PCDHGA11: variants seen among roughly 807,000 people sequenced by gnomAD.
The protein encoded by PCDHGA11 is protocadherin gamma-A11.
Under a neutral mutation model 60.4 loss-of-function variants are expected in PCDHGA11, and 39 were observed. The observed-to-expected ratio is 0.65, with a 90% CI of 0.50 to 0.84. The LOEUF is 0.84. PCDHGA11 is among the 40% of genes least tolerant of loss of function. PCDHGA11 has a pLI of 0.00. For synonymous variants in PCDHGA11, 533 were observed against 510.3 expected, an observed-to-expected ratio of 1.04 and a Z score of -0.60; for missense variants, 1,165 against 1,197.7, an observed-to-expected ratio of 0.97 and a Z score of 0.40.
intron 1 of PCDHGA11, among the ~76,000 whole-genome samples, chr5:141,492,337 C>T (rs559700346): frequency 1.0e-3 from 158 of 152,324 alleles, no homozygotes; most frequent in African/African-American, 3.7e-3. Flanking sequence ...TACGCGAATA[C>T]CAGCTTTCAC....
intron 1 of PCDHGA11, among the ~76,000 whole-genome samples, chr5:141,488,305 T>C (rs1452293355): frequency 6.6e-6 from 1 of 152,234 alleles, no homozygotes; most frequent in African/African-American, 2.4e-5. Context: ...AAATCACTTA[T>C]GTCAGAAAAC....
intron 2 of PCDHGA11, among the ~76,000 whole-genome samples, chr5:141,501,526 G>A (rs2099809738): frequency 6.6e-6 from 1 of 151,962 alleles, no homozygotes; most frequent in Non-Finnish European, 1.5e-5. Context: ...CTGAAGCCCA[G>A]TACGTTGTTG....
chr5:141,482,747 G>T lies in PCDHGA11; in HGVS notation c.2434-12060G>T, dbSNP rs182945398. On this transcript the variant is annotated intron_variant, in intron 1 of 3. Transcript: ENST00000398587. ...CATTGCAAGAAATTCCATGCAGAGG[G>T]ATTATGGTATTTCATTATCACTGAA... Among the ~76,000 whole-genome samples, 567 of 128,410 alleles carry T rather than the reference G, an allele frequency of 4.4e-3. 2 individuals carry two copies. The highest frequency in any genetic ancestry group is 0.019 in the African/African-American group (533 of 28,666). The allele number at this position is 128,410 out of a possible 152,430, so 84.2% of individuals were successfully genotyped here. A position where few individuals can be genotyped will look rare whatever the true frequency, so the allele number is the denominator to read the frequency against.
chr5:141,462,375 T>G (rs2099038282), intron 1 of PCDHGA11, among the ~76,000 whole-genome samples: 1 of 152,252 alleles, frequency 6.6e-6, no homozygotes, highest in Non-Finnish European at 1.5e-5. Context: ...TTCTATTCTT[T>G]TAAATTCGTT....
At chr5:141,502,864 G>GTTTTTTTT in intron 2 of PCDHGA11, among the ~76,000 whole-genome samples, 3 of 61,566 alleles carry the variant, frequency 4.9e-5, no homozygotes, top group African/African-American at 2.4e-4. Context: ...CTGACTCTCT[G>GTTTTTTTT]TCTTTTTTTT....
chr5:141,435,922 G>A (rs1312886163), intron 1 of PCDHGA11, among the ~76,000 whole-genome samples: 1 of 152,070 alleles, frequency 6.6e-6, no homozygotes, highest in Non-Finnish European at 1.5e-5. Context: ...TCTAAAATGC[G>A]GCAGTTGCTG....
intron 1 of PCDHGA11, among the ~76,000 whole-genome samples, chr5:141,450,099 C>T (rs2098669229): frequency 6.6e-6 from 1 of 151,500 alleles, no homozygotes; most frequent in African/African-American, 2.4e-5. Flanking sequence ...CTCCGCCTCC[C>T]AGGTTCAAAT....
intron 2 of PCDHGA11, among the ~76,000 whole-genome samples, chr5:141,495,407 C>T: frequency 6.6e-6 from 1 of 152,218 alleles, no homozygotes; most frequent in East Asian, 1.9e-4. Flanking sequence ...AGGCCCCCTT[C>T]TCCGGCCCCT....
intron 1 of PCDHGA11, among the ~76,000 whole-genome samples, chr5:141,446,448 T>C (rs954515926): frequency 2.6e-5 from 4 of 152,028 alleles, no homozygotes; most frequent in Non-Finnish European, 5.9e-5. Context: ...ACAGTGCAGA[T>C]ATTCAGTGTG....
At chr5:141,472,980 C>CAA (rs60579131) in intron 1 of PCDHGA11, among the ~76,000 whole-genome samples, 188 of 86,094 alleles carry the variant, frequency 2.2e-3, no homozygotes, top group Non-Finnish European at 3.2e-3. Flanking sequence ...GAGTGAAACT[C>CAA]AAAAAAAAAA....
chr5:141,437,831 G>C (rs923199746), intron 1 of PCDHGA11, among the ~76,000 whole-genome samples: 16 of 151,256 alleles, frequency 1.1e-4, no homozygotes, highest in African/African-American at 3.4e-4. Flanking sequence ...TCTGCCTCCT[G>C]GGTTCATGCT....
chr5:141,435,603 T>C (rs1195458514), intron 1 of PCDHGA11, among the ~76,000 whole-genome samples: 1 of 152,218 alleles, frequency 6.6e-6, no homozygotes, highest in African/African-American at 2.4e-5. Flanking sequence ...GCCTGCTTTT[T>C]ACATTAAATT....
intron 1 of PCDHGA11, chr5:141,427,942 T>C (rs1561832592): frequency 6.3e-7 from 1 of 1,586,106 alleles, no homozygotes; most frequent in Non-Finnish European, 8.6e-7. Context: ...GTGGGCGACC[T>C]CAATGACAAT....
rs1482347889 is a variant in PCDHGA11, at chr5:141,421,781, G to A, written c.554G>A (p.Gly185Asp). The A allele has an allele frequency of 6.2e-7, 1 of 1,613,856 alleles. No individual in the cohort carries two copies. Among genetic ancestry groups the A allele is most frequent in the Non-Finnish European group, 8.5e-7 (1 of 1,179,872 alleles). Residue 185 changes from glycine to aspartate, a missense_variant, in exon 1 of 4, where the codon GGC becomes GAC. By Grantham distance (94) the Gly-to-Asp change is moderately conservative. Transcript: ENST00000398587. ...PNNYFSLQLR[G>D]RTDGAKNPEL... The stretch of plus-strand genomic sequence containing the variant: ...AATTACTTTTCCTTGCAACTGCGGG[G>A]CAGAACGGATGGGGCCAAGAATCCA...
Position 141,432,124 on chromosome 5 carries a change from C to G in PCDHGA11, c.2433+8464C>G, listed in dbSNP as rs1286909667. On this transcript the variant is annotated intron_variant, in intron 1 of 3. Transcript: ENST00000398587. The surrounding 1 kb of genome is among the most constrained non-coding windows in gnomAD (Gnocchi z 6.0). ...ACAACCCGCCGGTCTTCCCTCAGGC[C>G]TCCTATTCCGCTTATATCCCAGAGA... 6.2e-7 allele frequency: 1 copy of G among 1,614,156 alleles called. No homozygotes were observed. The highest frequency in any genetic ancestry group is 1.1e-5 in the South Asian group (1 of 91,066).
chr5:141,450,829 A>ATTTTTT (rs373424450), intron 1 of PCDHGA11, among the ~76,000 whole-genome samples: 1 of 135,126 alleles, frequency 7.4e-6, no homozygotes. Context: ...TATTATTATT[A>ATTTTTT]TTTTTTTTTT....
chr5:141,491,227 C>T lies in PCDHGA11; in HGVS notation c.2434-3580C>T. 6.2e-7 allele frequency: 1 copy of T among 1,614,216 alleles called. No homozygotes were observed. The highest frequency in any genetic ancestry group is 8.5e-7 in the Non-Finnish European group (1 of 1,180,018). On this transcript the variant is annotated intron_variant, in intron 1 of 3. Coordinates refer to ENST00000398587, the MANE Select transcript of PCDHGA11 (RefSeq NM_018914.3). The surrounding 1 kb of genome is among the most constrained non-coding windows in gnomAD (Gnocchi z 6.9). Reference sequence around the variant, plus strand: ...TTCACTCTCCTCCACAGCCACAGTGCTGCTGGTTCTGGAGGATGAGGACCC... The same window carrying T: ...TTCACTCTCCTCCACAGCCACAGTGTTGCTGGTTCTGGAGGATGAGGACCC...
chr5:141,431,604 G>C lies in PCDHGA11; in HGVS notation c.2433+7944G>C. 1 of 1,614,206 alleles carries C rather than the reference G, an allele frequency of 6.2e-7. No individual in the cohort carries two copies. Among genetic ancestry groups the C allele is most frequent in the South Asian group, 1.1e-5 (1 of 91,088 alleles). On this transcript the variant is annotated intron_variant, in intron 1 of 3. Coordinates refer to ENST00000398587, the MANE Select transcript of PCDHGA11 (RefSeq NM_018914.3). The surrounding 1 kb of genome is among the most constrained non-coding windows in gnomAD (Gnocchi z 4.8). ...AATGCGGAAGTGAGGTATTCCTTCC[G>C]GTATGTGGACGACAAGGCGGCCCAA...
chr5:141,482,429 A>G (rs955366858), intron 1 of PCDHGA11, among the ~76,000 whole-genome samples: 1 of 151,366 alleles, frequency 6.6e-6, no homozygotes, highest in African/African-American at 2.4e-5. Flanking sequence ...AAAAATGATA[A>G]TACTGATATT....
Sources: allele counts gnomAD v4.1 joint callset (sites outside exome capture counted in the v4.1 genomes callset), GRCh38; gene constraint gnomAD v4.1.1; non-coding constraint Gnocchi (gnomAD v3.1); transcripts MANE v1.5; gene names NCBI Gene and HGNC (gene_info 2026-07-23, HGNC 2026-07-21).